The following SLC16A10 variants were observed in gnomAD, a reference collection of about 807,000 sequenced individuals.
SLC16A10 encodes the protein solute carrier family 16 member 10.
Under a neutral mutation model 40.0 loss-of-function variants are expected in SLC16A10, and 27 were observed. The ratio of observed to expected loss-of-function variants is 0.67; its 90% CI spans 0.50 to 0.93. SLC16A10 has a LOEUF of 0.93. Among genes scored for constraint, SLC16A10 ranks in the 40% least tolerant of loss-of-function variants. The pLI is 0.00. For synonymous variants in SLC16A10, 213 were observed against 249.8 expected (o/e 0.85, Z 1.39); for missense variants, 529 against 658.2 (o/e 0.80, Z 2.15).
At position 111,222,177 on chromosome 6, in the gene SLC16A10, ACT is replaced by A. The variant is rs1770914494; in HGVS notation, c.1495_1496del (p.Leu499AlafsTer13). 1 of 1,607,346 alleles carries A rather than the reference ACT, an allele frequency of 6.2e-7. No individual in the cohort carries two copies. Among genetic ancestry groups the A allele is most frequent in the Non-Finnish European group, 8.5e-7 (1 of 1,178,096 alleles). On this transcript the variant is annotated frameshift_variant, in exon 6 of 6. Coordinates refer to ENST00000368851, the MANE Select transcript of SLC16A10 (RefSeq NM_018593.5). LOFTEE classifies it high-confidence loss of function. ...ATGGAGAAAATGTTGGAAAACCAGA[ACT>A]CTCTGCTGTCAAGTTCATCTGGAAT...
At chr6:111,157,766 A>G (rs1367047053) in intron 1 of SLC16A10, among the ~76,000 whole-genome samples, 1 of 152,214 alleles carries the variant, frequency 6.6e-6, no homozygotes. Flanking sequence ...GTCCATAATG[A>G]TATAAACAAG....
intron 3 of SLC16A10, among the ~76,000 whole-genome samples, chr6:111,178,095 C>T (rs758235761): frequency 2.0e-5 from 3 of 152,188 alleles, no homozygotes; most frequent in African/African-American, 4.8e-5. Context: ...CAGTATAAAA[C>T]ATTTGATAGG....
intron 1 of SLC16A10, among the ~76,000 whole-genome samples, chr6:111,122,624 T>C (rs1771603863): frequency 6.6e-6 from 1 of 152,196 alleles, no homozygotes; most frequent in Admixed American, 6.5e-5. Flanking sequence ...ATCGGGTTCT[T>C]ATGTTCAGCT....
intron 1 of SLC16A10, among the ~76,000 whole-genome samples, chr6:111,159,067 CAAAAAAAAAAAAAAAA>C (rs548809670): frequency 4.3e-5 from 1 of 23,394 alleles, no homozygotes; most frequent in Non-Finnish European, 8.1e-5. Flanking sequence ...GACCCTGACT[CAAAAAAAAAAAAAAAA>C]AAAAAAAAAA....
chr6:111,193,958 G>A (rs1332892250), intron 3 of SLC16A10, among the ~76,000 whole-genome samples: 2 of 152,180 alleles, frequency 1.3e-5, no homozygotes, highest in Non-Finnish European at 2.9e-5. Flanking sequence ...TTTTGTGTGG[G>A]AAGTGTCCTA....
chr6:111,122,032 T>C (rs1771593079), intron 1 of SLC16A10, among the ~76,000 whole-genome samples: 2 of 152,118 alleles, frequency 1.3e-5, no homozygotes, highest in African/African-American at 4.8e-5. Flanking sequence ...GCCCTCACCT[T>C]GGGTGATGAC....
At chr6:111,128,824 A>T (rs1250816164) in intron 1 of SLC16A10, among the ~76,000 whole-genome samples, 1 of 151,968 alleles carries the variant, frequency 6.6e-6, no homozygotes, top group African/African-American at 2.4e-5. Flanking sequence ...TTACCCCAAC[A>T]AATTGTTTTT....
In SLC16A10 at chr6:111,087,739, G is replaced by A; in HGVS notation, c.-14G>A. ...CTCGCGCTTCTCCGGCGCCTGAGGG[G>A]CCCGCCTCGGGCCATGGTGCTCTCC... On this transcript the variant is annotated 5_prime_UTR_variant, in exon 1 of 6. Coordinates refer to ENST00000368851, the MANE Select transcript of SLC16A10 (RefSeq NM_018593.5). The A allele has an allele frequency of 8.3e-7, 1 of 1,200,924 alleles. No homozygotes were observed. The highest frequency in any genetic ancestry group is 1.0e-6 in the Non-Finnish European group (1 of 967,170). 74.4% of individuals were successfully genotyped at this position (1,200,924 alleles called of 1,614,324 possible).
At chr6:111,129,489 C>T (rs1771743225) in intron 1 of SLC16A10, among the ~76,000 whole-genome samples, 1 of 152,172 alleles carries the variant, frequency 6.6e-6, no homozygotes, top group Non-Finnish European at 1.5e-5. Context: ...TTAATAGTTA[C>T]ATGTTATAAA....
intron 1 of SLC16A10, among the ~76,000 whole-genome samples, chr6:111,129,903 T>A (rs76462765): frequency 0.081 from 12,405 of 152,226 alleles, 1,570 homozygotes; most frequent in African/African-American, 0.27. Flanking sequence ...GATTTTTTTT[T>A]AATTTTTTGC....
intron 1 of SLC16A10, among the ~76,000 whole-genome samples, chr6:111,130,945 A>G (rs1301275294): frequency 6.6e-6 from 1 of 152,240 alleles, no homozygotes; most frequent in Non-Finnish European, 1.5e-5. Flanking sequence ...GATACTAATT[A>G]TGCCATCATA....
Position 111,206,671 on chromosome 6 carries a change from T to C in SLC16A10, c.1022T>C (p.Val341Ala). Residue 341 changes from valine to alanine, a missense_variant, in exon 4 of 6, where the codon GTT (valine) becomes GCT (alanine). Physicochemically the swap from Val to Ala is moderately conservative, Grantham distance 64. Transcript: ENST00000368851. Reference sequence around the variant, plus strand: ...ATGTGCATTGGCGTCACTTCAGGAGTTGGACGACTGCTCTTTGGCCGGATT... The same window carrying C: ...ATGTGCATTGGCGTCACTTCAGGAGCTGGACGACTGCTCTTTGGCCGGATT... ...VLMCIGVTSG[V>A]GRLLFGRIAD... The C allele has an allele frequency of 4.3e-6, 7 of 1,614,150 alleles. No homozygotes were observed. Among genetic ancestry groups the C allele is most frequent in the Non-Finnish European group, 5.9e-6 (7 of 1,180,038 alleles).
intron 1 of SLC16A10, among the ~76,000 whole-genome samples, chr6:111,106,548 G>A (rs1026300769): frequency 3.3e-5 from 5 of 152,186 alleles, no homozygotes; most frequent in African/African-American, 1.2e-4. Context: ...ATGGAAGAAC[G>A]TCAAGGCAAT....
chr6:111,195,926 T>TA (rs769864871), intron 3 of SLC16A10, among the ~76,000 whole-genome samples: 1 of 152,018 alleles, frequency 6.6e-6, no homozygotes, highest in Non-Finnish European at 1.5e-5. Context: ...ATATTTAAAA[T>TA]ATAGGCAGTC....
intron 1 of SLC16A10, among the ~76,000 whole-genome samples, chr6:111,151,584 T>C (rs1378084384): frequency 6.6e-6 from 1 of 152,224 alleles, no homozygotes; most frequent in African/African-American, 2.4e-5. Flanking sequence ...CTTCAAACTG[T>C]TGCCAAAGAG....
At position 111,224,127 on chromosome 6, in the gene SLC16A10, C is replaced by T. The variant is rs187045144; in HGVS notation, c.*1892C>T. The T allele has an allele frequency of 2.8e-5, 4 of 143,158 alleles. No individual in the cohort carries two copies. In the East Asian group the frequency reaches 8.2e-4, roughly 29 times the overall value. 8.9% of individuals were successfully genotyped at this position (143,158 alleles called of 1,614,324 possible). On this transcript the variant is annotated 3_prime_UTR_variant, in exon 6 of 6. Coordinates refer to ENST00000368851, the MANE Select transcript of SLC16A10 (RefSeq NM_018593.5). ...TGATGGTGCCCACCTGTAGCCCCAG[C>T]TACTCAGAGGCTGAGGTAGTGGAAG...
chr6:111,105,588 C>G (rs1771270761), intron 1 of SLC16A10, among the ~76,000 whole-genome samples: 1 of 152,150 alleles, frequency 6.6e-6, no homozygotes, highest in South Asian at 2.1e-4. Flanking sequence ...TAATAACTAG[C>G]CACCTGGCCA....
intron 3 of SLC16A10, among the ~76,000 whole-genome samples, chr6:111,183,382 G>A (rs559928103): frequency 9.9e-5 from 15 of 151,900 alleles, no homozygotes; most frequent in Admixed American, 4.6e-4. Context: ...ATATTTACAC[G>A]TCTGCTAGAA....
At chr6:111,133,818 C>T (rs910526862) in intron 1 of SLC16A10, among the ~76,000 whole-genome samples, 1 of 152,200 alleles carries the variant, frequency 6.6e-6, no homozygotes, top group African/African-American at 2.4e-5. Context: ...GCCAATATTC[C>T]CTGGTTATGC....
Sources: allele counts gnomAD v4.1 joint callset (sites outside exome capture counted in the v4.1 genomes callset), GRCh38; gene constraint gnomAD v4.1.1; transcripts MANE v1.5; gene names NCBI Gene and HGNC (gene_info 2026-07-23, HGNC 2026-07-21).